TBC1D14: variants seen among roughly 807,000 people sequenced by gnomAD.
TBC1D14 encodes the protein TBC1 domain family member 14.
In TBC1D14, 26 loss-of-function variants were observed where a neutral mutation model predicts 79.0. The ratio of observed to expected loss-of-function variants is 0.33; its 90% confidence interval spans 0.24 to 0.46. TBC1D14 has a LOEUF of 0.46. TBC1D14 is among the 20% of genes least tolerant of loss of function. The pLI, the probability that TBC1D14 is intolerant of heterozygous loss-of-function variation, is 1.00. For missense variants in TBC1D14, 769 were observed against 887.6 expected, an observed-to-expected ratio of 0.87 and a Z score of 1.70; for synonymous variants, 394 against 349.9, an observed-to-expected ratio of 1.13 and a Z score of -1.40.
intron 1 of TBC1D14, among the ~76,000 whole-genome samples, chr4:6,922,975 TG>T (rs1193919297): frequency 1.3e-5 from 2 of 152,022 alleles, no homozygotes; most frequent in Non-Finnish European, 2.9e-5. Flanking sequence ...CCGAGGTGGG[TG>T]GATTGCTTGA....
intron 7 of TBC1D14, 110 bp from the exon 8 acceptor site, chr4:7,004,734 G>A (rs1355920295): frequency 3.2e-6 from 3 of 940,494 alleles, no homozygotes; most frequent in Non-Finnish European, 5.1e-6. Flanking sequence ...TATGCATTAA[G>A]CCTATTATAG....
At chr4:6,973,677 A>G (rs1483897435) in intron 3 of TBC1D14, among the ~76,000 whole-genome samples, 3 of 152,106 alleles carry the variant, frequency 2.0e-5, no homozygotes, top group African/African-American at 7.2e-5. Context: ...AATATTTCTC[A>G]GCCTGAACTC....
In TBC1D14 at chr4:6,998,841, C is replaced by G. The variant is rs1719356050; in HGVS notation, c.1046-244C>G. ...GGCGTGAGCCACCGCGCCTGGCCAA[C>G]TGAATCGTATTCTTCTTTGTGTACT... On this transcript the variant is annotated intron_variant, in intron 5 of 13. Transcript: ENST00000409757. 4.2e-5 allele frequency: 17 copies of G among 407,892 alleles called. No homozygotes were observed. The South Asian group carries it at 4.5e-4, about 11-fold the overall frequency. The allele number at this position is 407,892 out of a possible 1,614,324, so 25.3% of individuals were successfully genotyped here.
intron 3 of TBC1D14, among the ~76,000 whole-genome samples, chr4:6,978,421 C>T (rs533740942): frequency 2.7e-4 from 41 of 150,408 alleles, no homozygotes; most frequent in African/African-American, 9.4e-4. Flanking sequence ...CCTTGGGATC[C>T]TGTTGATCTG....
intron 2 of TBC1D14, among the ~76,000 whole-genome samples, chr4:6,950,133 C>T (rs1713893981): frequency 6.6e-6 from 1 of 152,174 alleles, no homozygotes; most frequent in African/African-American, 2.4e-5. Context: ...CATTGTTCAA[C>T]TCCCCCTTAT....
chr4:7,017,845 C>T lies in TBC1D14; in HGVS notation c.1757+3288C>T, dbSNP rs866248731. Among the ~76,000 whole-genome samples the T allele has an allele frequency of 2.6e-5, 4 of 152,176 alleles. No homozygotes were observed. In the South Asian group the frequency reaches 8.3e-4, roughly 32 times the overall value. On this transcript the variant is annotated intron_variant, in intron 12 of 13. Transcript: ENST00000409757. ...AAGCCATGTATTCATGACTTATTTC[C>T]TGAGTCAGCATTTATTGGTGGTCCG...
At chr4:6,960,002 G>C (rs911889758) in intron 2 of TBC1D14, among the ~76,000 whole-genome samples, 2 of 151,546 alleles carry the variant, frequency 1.3e-5, no homozygotes, top group Non-Finnish European at 2.9e-5. Context: ...TTTTCCATCA[G>C]CAACACGTTT....
chr4:6,965,105 ATGT>A (rs1364761945), intron 2 of TBC1D14, among the ~76,000 whole-genome samples: 1 of 152,040 alleles, frequency 6.6e-6, no homozygotes, highest in Non-Finnish European at 1.5e-5. Context: ...CATTAATCCA[ATGT>A]TGTTGTCAAA....
chr4:6,940,227 C>T (rs1390255048), intron 2 of TBC1D14, among the ~76,000 whole-genome samples: 1 of 152,248 alleles, frequency 6.6e-6, no homozygotes, highest in African/African-American at 2.4e-5. Flanking sequence ...CCACATGTGG[C>T]TTGTGGCCAC....
intron 11 of TBC1D14, among the ~76,000 whole-genome samples, chr4:7,014,190 C>G (rs1721063940): frequency 3.3e-5 from 5 of 152,164 alleles, no homozygotes; most frequent in Admixed American, 3.3e-4. Flanking sequence ...TTGGCAAGTT[C>G]CATAACTGCT....
At chr4:6,968,351 A>G (rs763766747) in intron 3 of TBC1D14, among the ~76,000 whole-genome samples, 3 of 152,174 alleles carry the variant, frequency 2.0e-5, no homozygotes, top group Non-Finnish European at 4.4e-5. Flanking sequence ...GTGACAGGAA[A>G]TTAATTGCTA....
intron 2 of TBC1D14, among the ~76,000 whole-genome samples, chr4:6,957,606 AC>A (rs951852741): frequency 2.0e-5 from 3 of 152,158 alleles, no homozygotes; most frequent in African/African-American, 7.2e-5. Context: ...GTGATTGGGC[AC>A]TTCTTGCTAT....
intron 3 of TBC1D14, among the ~76,000 whole-genome samples, chr4:6,972,190 G>A (rs1224359923): frequency 6.6e-6 from 1 of 152,222 alleles, no homozygotes; most frequent in African/African-American, 2.4e-5. Flanking sequence ...ACAGTGAAGG[G>A]CAAAGACTTC....
chr4:6,987,301 C>T (rs1339211619), intron 3 of TBC1D14: 1 of 1,366,716 alleles, frequency 7.3e-7, no homozygotes, highest in Non-Finnish European at 9.5e-7. Context: ...CCTCCGCTCG[C>T]TGGGCATGGA....
intron 2 of TBC1D14, among the ~76,000 whole-genome samples, chr4:6,943,185 G>A (rs910741788): frequency 6.6e-6 from 1 of 152,004 alleles, no homozygotes; most frequent in African/African-American, 2.4e-5. Flanking sequence ...TGCCTGAAGC[G>A]GCACACACAA....
chr4:6,963,238 G>A (rs1409880096), intron 2 of TBC1D14, among the ~76,000 whole-genome samples: 1 of 152,256 alleles, frequency 6.6e-6, no homozygotes, highest in African/African-American at 2.4e-5. Flanking sequence ...GGAGCCAGCA[G>A]CCCCTCTGTT....
intron 12 of TBC1D14, among the ~76,000 whole-genome samples, chr4:7,019,905 G>A: frequency 1.0e-5 from 1 of 99,054 alleles, no homozygotes; most frequent in Admixed American, 9.9e-5. Flanking sequence ...GTGGGTATGT[G>A]AACCCCGCTG....
chr4:7,001,797 T>C (rs1719703487), intron 7 of TBC1D14, among the ~76,000 whole-genome samples: 1 of 152,158 alleles, frequency 6.6e-6, no homozygotes, highest in African/African-American at 2.4e-5. Context: ...CAGGCTGAAT[T>C]CACTTCCCCA....
chr4:6,918,497 C>A (rs893824520), intron 1 of TBC1D14, among the ~76,000 whole-genome samples: 1 of 152,216 alleles, frequency 6.6e-6, no homozygotes, highest in Non-Finnish European at 1.5e-5. Flanking sequence ...TTGCCAATGC[C>A]TTCAGCAGAC....
Sources: gnomAD v4.1 joint callset for allele counts (sites outside exome capture counted in the v4.1 genomes callset) on GRCh38, gnomAD v4.1.1 for gene constraint, MANE v1.5 for transcripts, NCBI Gene and HGNC (gene_info 2026-07-23, HGNC 2026-07-21) for gene names.